Variants in CDC42SE2 observed in about 807,000 individuals in gnomAD.
CDC42SE2 encodes CDC42 small effector protein 2.
Under a neutral mutation model 11.5 loss-of-function variants are expected in CDC42SE2, and 3 were observed. The ratio of observed to expected loss-of-function variants is 0.26; its 90% CI spans 0.12 to 0.67. CDC42SE2 has a LOEUF of 0.67. Among genes scored for constraint, CDC42SE2 ranks in the 30% least tolerant of loss-of-function variants. The pLI is 0.80. For missense variants in CDC42SE2, 82 were observed against 106.8 expected (o/e 0.77, Z 1.02); for synonymous variants, 33 against 34.8 (o/e 0.95, Z 0.18).
chr5:131,256,933 T>C (rs1485413783), intron 2 of CDC42SE2, among the ~76,000 whole-genome samples: 1 of 152,242 alleles, frequency 6.6e-6, no homozygotes, highest in Non-Finnish European at 1.5e-5. Flanking sequence ...ATCATAGGAA[T>C]GCTATCTCAT....
Position 131,393,276 on chromosome 5 carries a change from A to G in CDC42SE2, c.*2185A>G, listed in dbSNP as rs771157817. ...TTCTTGCAAAACAGGCAACTGAACAAACATTAGGTTTATGTAGGTAAAATG... is the reference window on the plus strand; with the variant it reads ...TTCTTGCAAAACAGGCAACTGAACAGACATTAGGTTTATGTAGGTAAAATG... On this transcript the variant is annotated 3_prime_UTR_variant, in exon 5 of 5. Coordinates refer to ENST00000505065, the MANE Select transcript of CDC42SE2 (RefSeq NM_001375635.1). The G allele has an allele frequency of 2.6e-5, 4 of 152,334 alleles. No individual in the cohort carries two copies. Among genetic ancestry groups the G allele is most frequent in the Non-Finnish European group, 5.9e-5 (4 of 68,032 alleles). 9.4% of individuals were successfully genotyped at this position (152,334 alleles called of 1,614,324 possible).
At chr5:131,240,125 T>C in the CDC42SE2 span, among the ~76,000 whole-genome samples, 1 of 152,266 alleles carries the variant, frequency 6.6e-6, no homozygotes, top group African/African-American at 2.4e-5. Context: ...GGGAATTTTC[T>C]GTCTTTCTTA....
rs35818778 is a variant in CDC42SE2 at position 131,342,388 on chromosome 5, C to CTTTTTTTTTT, written c.-285-16811_-285-16802dup. On this transcript the variant is annotated intron_variant, in intron 2 of 4. Coordinates refer to ENST00000505065, the MANE Select transcript of CDC42SE2 (RefSeq NM_001375635.1). The stretch of plus-strand genomic sequence containing the variant: ...TCAGAGATTTGCCATTTTTAATAGT[C>CTTTTTTTTTT]TTTTTTTTTTTTTTTTTTTAAGATA... 7.4e-3 allele frequency among the ~76,000 whole-genome samples: 819 copies of CTTTTTTTTTT among 111,280 alleles called. 99 individuals are homozygous for CTTTTTTTTTT. The highest frequency in any genetic ancestry group is 0.031 in the African/African-American group (710 of 22,544). 73.0% of individuals were successfully genotyped at this position (111,280 alleles called of 152,430 possible).
At chr5:131,366,039 A>T (rs1749846328) in intron 3 of CDC42SE2, among the ~76,000 whole-genome samples, 1 of 152,356 alleles carries the variant, frequency 6.6e-6, no homozygotes, top group Admixed American at 6.5e-5. Flanking sequence ...TACGTTTTAG[A>T]AAAACATCAT....
the CDC42SE2 span, among the ~76,000 whole-genome samples, chr5:131,239,937 A>G: frequency 1.3e-5 from 2 of 152,140 alleles, no homozygotes; most frequent in African/African-American, 4.8e-5. Context: ...TTTCTTAAGG[A>G]AGTATCAGTT....
the CDC42SE2 span, among the ~76,000 whole-genome samples, chr5:131,222,789 C>T: frequency 6.6e-6 from 1 of 152,182 alleles, no homozygotes; most frequent in Non-Finnish European, 1.5e-5. Flanking sequence ...GCATGGCACC[C>T]TTCACTTCTC....
At position 131,268,054 on chromosome 5, in the gene CDC42SE2, C is replaced by CTTTTTTTT. The variant is rs148354795; in HGVS notation, c.-455+3908_-455+3915dup. 4.0e-4 allele frequency among the ~76,000 whole-genome samples: 26 copies of CTTTTTTTT among 65,446 alleles called. 1 individual carries two copies. The highest frequency in any genetic ancestry group is 8.1e-4 in the African/African-American group (11 of 13,610). The allele number at this position is 65,446 out of a possible 152,430, so 42.9% of individuals were successfully genotyped here. A position where few individuals can be genotyped will look rare whatever the true frequency, so the allele number is the denominator to read the frequency against. ...AGAGAAGTACATGTACATGCTTATT[C>CTTTTTTTT]TTTTTTTTTTTTTTTTTTTTTTTTT... On this transcript the variant is annotated intron_variant, in intron 1 of 4. Transcript: ENST00000505065.
intron 2 of CDC42SE2, among the ~76,000 whole-genome samples, chr5:131,346,434 A>G (rs140346579): frequency 3.3e-5 from 5 of 152,374 alleles, no homozygotes; most frequent in South Asian, 2.1e-4. Context: ...AAAGGGATCA[A>G]TTCAACAAAA....
chr5:131,364,812 G>A (rs1200138094), intron 3 of CDC42SE2, among the ~76,000 whole-genome samples: 1 of 152,198 alleles, frequency 6.6e-6, no homozygotes, highest in Non-Finnish European at 1.5e-5. Context: ...AATAGTCAGG[G>A]TGGGGGCATG....
At chr5:131,285,662 C>T (rs78241843) in intron 1 of CDC42SE2, among the ~76,000 whole-genome samples, 3,969 of 152,218 alleles carry the variant, frequency 0.026, 157 homozygotes, top group African/African-American at 0.088. Flanking sequence ...AGAAAGATAT[C>T]TTATGGTAGG....
the CDC42SE2 span, among the ~76,000 whole-genome samples, chr5:131,240,485 G>A: frequency 6.6e-6 from 1 of 152,116 alleles, no homozygotes; most frequent in Non-Finnish European, 1.5e-5. Flanking sequence ...CAGAACTTAA[G>A]CAAGTTTCTT....
At chr5:131,349,217 CA>C (rs1415421126) in intron 2 of CDC42SE2, among the ~76,000 whole-genome samples, 1 of 151,826 alleles carries the variant, frequency 6.6e-6, no homozygotes, top group Non-Finnish European at 1.5e-5. Flanking sequence ...AGCTGGAAAC[CA>C]TCATTCTGAA....
At chr5:131,236,787 T>C in the CDC42SE2 span, among the ~76,000 whole-genome samples, 1 of 152,258 alleles carries the variant, frequency 6.6e-6, no homozygotes, top group Non-Finnish European at 1.5e-5. Flanking sequence ...GCTTAATCTG[T>C]CTTTTCCACA....
At chr5:131,347,921 A>G (rs1358414021) in intron 2 of CDC42SE2, among the ~76,000 whole-genome samples, 1 of 152,244 alleles carries the variant, frequency 6.6e-6, no homozygotes, top group Non-Finnish European at 1.5e-5. Flanking sequence ...ATAGATGCAG[A>G]AAAGGCCTTT....
chr5:131,330,840 C>A (rs1408334230), intron 2 of CDC42SE2, among the ~76,000 whole-genome samples: 1 of 148,214 alleles, frequency 6.7e-6, no homozygotes, highest in African/African-American at 2.5e-5. Context: ...AACATATAGA[C>A]CCTGCCTTTA....
At chr5:131,215,836 G>A in the CDC42SE2 span, among the ~76,000 whole-genome samples, 1 of 152,180 alleles carries the variant, frequency 6.6e-6, no homozygotes, top group South Asian at 2.1e-4. Flanking sequence ...AACTACTTAA[G>A]TAATAAGATT....
At chr5:131,365,887 C>G (rs1749840986) in intron 3 of CDC42SE2, among the ~76,000 whole-genome samples, 1 of 152,092 alleles carries the variant, frequency 6.6e-6, no homozygotes, top group Non-Finnish European at 1.5e-5. Context: ...GAGGCTGAGG[C>G]AGGAGAATGG....
intron 4 of CDC42SE2, among the ~76,000 whole-genome samples, chr5:131,390,204 C>A (rs1383266717): frequency 6.6e-6 from 1 of 152,084 alleles, no homozygotes; most frequent in East Asian, 1.9e-4. Flanking sequence ...TCTTTGGATT[C>A]TTTGATTCTT....
chr5:131,255,431 G>C (rs868704855), intron 2 of CDC42SE2: 1 of 152,044 alleles, frequency 6.6e-6, no homozygotes, highest in Non-Finnish European at 1.5e-5. Context: ...GACAGCATTG[G>C]TCTATTGTAT....
Sources: allele counts gnomAD v4.1 joint callset (sites outside exome capture counted in the v4.1 genomes callset), GRCh38; gene constraint gnomAD v4.1.1; transcripts MANE v1.5; gene names NCBI Gene and HGNC (gene_info 2026-07-23, HGNC 2026-07-21).